Variants in RNF220 observed in about 807,000 individuals in gnomAD.
The protein encoded by RNF220 is E3 ubiquitin-protein ligase RNF220.
In RNF220, 7 loss-of-function variants were observed where a neutral mutation model predicts 67.1. The observed-to-expected ratio is 0.10, with a 90% CI of 0.06 to 0.20. The LOEUF (loss-of-function observed/expected upper bound fraction) is 0.20, where lower values mean the gene tolerates loss of function less well. RNF220 is among the 10% of genes least tolerant of loss of function. The pLI, the probability that RNF220 is intolerant of heterozygous loss-of-function variation, is 1.00. For missense variants in RNF220, 565 were observed against 740.3 expected (o/e 0.76, Z 2.75); for synonymous variants, 270 against 283.2 (o/e 0.95, Z 0.47).
At chr1:44,626,445 G>T (rs1359510104) in intron 5 of RNF220, 47 bp downstream of exon 5, 1 of 1,485,508 alleles carries the variant, frequency 6.7e-7, no homozygotes, top group Non-Finnish European at 9.4e-7. Flanking sequence ...TCACCTGGGG[G>T]AGGGCTTCAA....
chr1:44,632,400 G>GGCC lies in RNF220; in HGVS notation c.949+15_949+16insGCC. 9.3e-6 allele frequency: 15 copies of GGCC among 1,607,384 alleles called. No individual in the cohort carries two copies. The highest frequency in any genetic ancestry group is 2.2e-5 in the East Asian group (1 of 44,626). On this transcript the variant is annotated intron_variant, in intron 6 of 14. Coordinates refer to ENST00000361799, the MANE Select transcript of RNF220 (RefSeq NM_018150.4). The stretch of plus-strand genomic sequence containing the variant: ...CCGACTGAATGGTGAGTCCTGCCCG[G>GGCC]CCCCTCCCTCCGCCCCACCCCCGGC...
rs1647242665 is a variant in RNF220 at position 44,405,396 on chromosome 1, C to CTG, written c.-252_-251insTG. The CTG allele has an allele frequency of 1.7e-5, 11 of 629,852 alleles. No individual in the cohort carries two copies. Among genetic ancestry groups the CTG allele is most frequent in the African/African-American group, 7.6e-5 (4 of 52,846 alleles). The allele number at this position is 629,852 out of a possible 1,614,324, so 39.0% of individuals were successfully genotyped here. A position where few individuals can be genotyped will look rare whatever the true frequency, so the allele number is the denominator to read the frequency against. Reference sequence around the variant, plus strand: ...CCGCCTACTGCTGCTGCTGCTGCTGCCGCTGCCGCCGCCGCCGCCGCCGCT... The same window carrying CTG: ...CCGCCTACTGCTGCTGCTGCTGCTGCTGCGCTGCCGCCGCCGCCGCCGCCGCT... On this transcript the variant is annotated 5_prime_UTR_variant, in exon 1 of 15. The change creates a premature stop within an existing upstream ORF in the 5' untranslated region. Coordinates refer to ENST00000361799, the MANE Select transcript of RNF220 (RefSeq NM_018150.4).
rs114811443 is a variant in RNF220 at position 44,542,215 on chromosome 1, T to C, written c.626-71950T>C. Among the ~76,000 whole-genome samples, 274 of 152,298 alleles carry C rather than the reference T, an allele frequency of 1.8e-3. 2 individuals carry two copies. Among genetic ancestry groups the C allele is most frequent in the African/African-American group, 6.3e-3 (261 of 41,566 alleles). ...AGTGACCATCATTTTTCCTTTTCCA[T>C]TGAGCTGTGACTTCCTACTGTCAAT... On this transcript the variant is annotated intron_variant, in intron 2 of 14. Transcript: ENST00000361799.
At chr1:44,445,117 G>C (rs1651944065) in intron 2 of RNF220, among the ~76,000 whole-genome samples, 1 of 152,112 alleles carries the variant, frequency 6.6e-6, no homozygotes, top group South Asian at 2.1e-4. Context: ...TGATAAGCTA[G>C]AGCACCTTTT....
At chr1:44,431,002 T>G (rs1650306747) in intron 2 of RNF220, among the ~76,000 whole-genome samples, 1 of 152,236 alleles carries the variant, frequency 6.6e-6, no homozygotes, top group East Asian at 1.9e-4. Context: ...TTCCAAATGG[T>G]CAAGTGGATG....
intron 2 of RNF220, among the ~76,000 whole-genome samples, chr1:44,460,474 T>A (rs1229829078): frequency 1.3e-5 from 2 of 152,140 alleles, no homozygotes; most frequent in Non-Finnish European, 2.9e-5. Flanking sequence ...TTCAAGATGT[T>A]TGGCTGAAAA....
intron 2 of RNF220, among the ~76,000 whole-genome samples, chr1:44,556,033 C>T (rs1663052668): frequency 6.7e-6 from 1 of 149,804 alleles, no homozygotes; most frequent in Admixed American, 6.6e-5. Flanking sequence ...AGACTATGTG[C>T]TTCTTTTGTG....
chr1:44,518,648 AG>A (rs1377284295), intron 2 of RNF220, among the ~76,000 whole-genome samples: 2 of 152,134 alleles, frequency 1.3e-5, no homozygotes, highest in African/African-American at 4.8e-5. Flanking sequence ...AGGCCAAGGC[AG>A]GCAGATCACG....
In RNF220 at chr1:44,606,720, C is replaced by T. The variant is rs191327293; in HGVS notation, c.626-7445C>T. ...ACTCTTCCTAGTGTATTCTCTCTCC[C>T]TAGGTGATCTTGCCTACTCTGAACT... is the stretch of plus-strand genomic sequence containing the variant. On this transcript the variant is annotated intron_variant, in intron 2 of 14. Transcript: ENST00000361799. This position sits in a 1 kb window ranked among gnomAD's most constrained non-coding sequence, Gnocchi z 4.2. Among the ~76,000 whole-genome samples, 14 of 152,310 alleles carry T rather than the reference C, an allele frequency of 9.2e-5. No homozygotes were observed. Among genetic ancestry groups the T allele is most frequent in the Non-Finnish European group, 1.3e-4 (9 of 68,024 alleles).
At chr1:44,529,911 G>A (rs1660699876) in intron 2 of RNF220, among the ~76,000 whole-genome samples, 1 of 151,876 alleles carries the variant, frequency 6.6e-6, no homozygotes, top group African/African-American at 2.4e-5. Context: ...AAAATTAGCA[G>A]GGCATGGTGG....
chr1:44,592,842 T>C (rs3850851), intron 2 of RNF220, among the ~76,000 whole-genome samples: 56,383 of 152,058 alleles, frequency 0.37, 11,126 homozygotes, highest in African/African-American at 0.51. Context: ...CTCCCAGCTC[T>C]TTGCCTAACT....
At chr1:44,594,824 C>G (rs912502796) in intron 2 of RNF220, among the ~76,000 whole-genome samples, 2 of 152,318 alleles carry the variant, frequency 1.3e-5, no homozygotes, top group South Asian at 4.1e-4. Context: ...GTTCAAAGTA[C>G]TGGAGTTAGG....
At chr1:44,503,961 T>C (rs1658176379) in intron 2 of RNF220, among the ~76,000 whole-genome samples, 1 of 152,130 alleles carries the variant, frequency 6.6e-6, no homozygotes, top group Non-Finnish European at 1.5e-5. Flanking sequence ...GCGATTCTCC[T>C]GATTCAGCCT....
At chr1:44,534,948 A>G (rs1199876142) in intron 2 of RNF220, among the ~76,000 whole-genome samples, 1 of 152,174 alleles carries the variant, frequency 6.6e-6, no homozygotes, top group Non-Finnish European at 1.5e-5. Context: ...TGGAGATGCT[A>G]TTTAGAGCGG....
intron 8 of RNF220, among the ~76,000 whole-genome samples, chr1:44,637,553 C>T (rs1644364855): frequency 6.6e-6 from 1 of 152,246 alleles, no homozygotes; most frequent in Non-Finnish European, 1.5e-5. Context: ...TCCTCCATTG[C>T]TGTGGCACCT....
rs573242307 is a variant in RNF220 at position 44,621,776 on chromosome 1, C to T, written c.759-966C>T. On this transcript the variant is annotated intron_variant, in intron 3 of 14. Coordinates refer to ENST00000361799, the MANE Select transcript of RNF220 (RefSeq NM_018150.4). The surrounding 1 kb of genome is among the most constrained non-coding windows in gnomAD (Gnocchi z 4.8). ...TGTGTCTGTGTGTTCTTCTGCTTTC[C>T]GGGTATATCTGCAGGTGTGCTGTAC... is the stretch of plus-strand genomic sequence containing the variant. Among the ~76,000 whole-genome samples, 10 of 152,286 alleles carry T rather than the reference C, an allele frequency of 6.6e-5. No homozygotes were observed. The South Asian group carries it at 1.2e-3, about 19-fold the overall frequency.
chr1:44,467,915 G>A (rs974090214), intron 2 of RNF220, among the ~76,000 whole-genome samples: 1 of 151,998 alleles, frequency 6.6e-6, no homozygotes, highest in Non-Finnish European at 1.5e-5. Context: ...GTTATTAATT[G>A]GCCTAATTTC....
intron 2 of RNF220, chr1:44,423,702 C>T (rs1649455274): frequency 7.6e-6 from 2 of 264,570 alleles, no homozygotes; most frequent in East Asian, 3.6e-4. Context: ...CTTTGCCCTA[C>T]CCGGAAACGT....
intron 2 of RNF220, among the ~76,000 whole-genome samples, chr1:44,573,196 A>G (rs1389051356): frequency 6.6e-6 from 1 of 152,204 alleles, no homozygotes; most frequent in Non-Finnish European, 1.5e-5. Context: ...CAGCTGCTTC[A>G]CATGCATTAT....
Sources: gnomAD v4.1 joint callset for allele counts (sites outside exome capture counted in the v4.1 genomes callset) on GRCh38, gnomAD v4.1.1 for gene constraint, Gnocchi (gnomAD v3.1) non-coding constraint, MANE v1.5 for transcripts, NCBI Gene and HGNC (gene_info 2026-07-23, HGNC 2026-07-21) for gene names.